The following GCNT2 variants were observed in gnomAD, a reference collection of about 807,000 sequenced individuals.
The protein encoded by GCNT2 is glucosaminyl (N-acetyl) transferase 2 (I blood group).
A neutral mutation model predicts 34.2 loss-of-function variants in GCNT2; 34 were observed. That is an observed-to-expected ratio of 1.00 (90% CI 0.76 to 1.32). The LOEUF is 1.32. Among genes scored for constraint, GCNT2 ranks in the 40% most tolerant of loss-of-function variants. The probability of loss-of-function intolerance (pLI) is 0.00; values close to 1 mark genes in which losing one functional copy is unlikely to be tolerated. For missense variants in GCNT2, 584 were observed against 489.4 expected (o/e 1.19, Z -1.82); for synonymous variants, 212 against 188.0 (o/e 1.13, Z -1.04).
chr6:10,589,150 G>T (rs1176497410), intron 3 of GCNT2, among the ~76,000 whole-genome samples: 1 of 138,040 alleles, frequency 7.2e-6, no homozygotes, highest in Admixed American at 7.2e-5. Flanking sequence ...TGTGGTGTGG[G>T]TGTGTGTGCG....
At chr6:10,521,713 C>G (rs1472242715) in intron 1 of GCNT2, 1 of 151,636 alleles carries the variant, frequency 6.6e-6, no homozygotes, top group Non-Finnish European at 1.5e-5. Context: ...GATGGGCCTA[C>G]TGGGCACGAG....
chr6:10,579,107 T>C (rs1449584912), intron 3 of GCNT2, among the ~76,000 whole-genome samples: 2 of 152,196 alleles, frequency 1.3e-5, no homozygotes, highest in Non-Finnish European at 2.9e-5. Context: ...CATTGGCCAT[T>C]AGTTTTTTCT....
At chr6:10,549,217 T>G (rs963737378) in intron 3 of GCNT2, among the ~76,000 whole-genome samples, 14 of 152,286 alleles carry the variant, frequency 9.2e-5, no homozygotes, top group African/African-American at 2.2e-4. Context: ...CAGCCCAAAA[T>G]GCCAATAGTG....
At chr6:10,538,350 G>A (rs1018451559) in intron 3 of GCNT2, among the ~76,000 whole-genome samples, 1 of 137,978 alleles carries the variant, frequency 7.2e-6, no homozygotes, top group African/African-American at 2.7e-5. Flanking sequence ...AGAGGTTGCA[G>A]TGAGCTGAGA....
intron 3 of GCNT2, among the ~76,000 whole-genome samples, chr6:10,613,237 C>T (rs1765632271): frequency 6.6e-6 from 1 of 152,186 alleles, no homozygotes; most frequent in South Asian, 2.1e-4. Context: ...AGTTATTTGA[C>T]TAAGAAAGGC....
chr6:10,524,131 G>C (rs1040152349), intron 1 of GCNT2, among the ~76,000 whole-genome samples: 1 of 151,778 alleles, frequency 6.6e-6, no homozygotes, highest in Non-Finnish European at 1.5e-5. Flanking sequence ...AACGGGTGTT[G>C]TTTTCTCAAA....
At chr6:10,538,729 A>G (rs1761900931) in intron 3 of GCNT2, among the ~76,000 whole-genome samples, 2 of 152,084 alleles carry the variant, frequency 1.3e-5, no homozygotes, top group African/African-American at 4.8e-5. Flanking sequence ...TTATGTATCC[A>G]TATATATTAC....
intron 3 of GCNT2, among the ~76,000 whole-genome samples, chr6:10,558,152 T>TA (rs1176361212): frequency 6.6e-6 from 1 of 152,230 alleles, no homozygotes; most frequent in Non-Finnish European, 1.5e-5. Flanking sequence ...TTAGGATATT[T>TA]ACCTATTTGC....
intron 3 of GCNT2, among the ~76,000 whole-genome samples, chr6:10,611,334 C>CTTTTTT (rs200808872): frequency 7.3e-6 from 1 of 136,444 alleles, no homozygotes; most frequent in Non-Finnish European, 1.5e-5. Context: ...TTCTTTCTTT[C>CTTTTTT]TTTTTTTTTT....
intron 3 of GCNT2, among the ~76,000 whole-genome samples, chr6:10,607,712 T>C (rs1765384915): frequency 6.6e-6 from 1 of 152,048 alleles, no homozygotes; most frequent in African/African-American, 2.4e-5. Flanking sequence ...GGGGGTCTTA[T>C]TGGTAATCAG....
At chr6:10,565,232 C>T (rs1763224441) in intron 3 of GCNT2, among the ~76,000 whole-genome samples, 3 of 152,206 alleles carry the variant, frequency 2.0e-5, no homozygotes, top group African/African-American at 7.2e-5. Context: ...CACACAGGCC[C>T]TTGCAGGAGG....
intron 1 of GCNT2, among the ~76,000 whole-genome samples, chr6:10,523,390 C>T (rs1001302042): frequency 3.4e-5 from 5 of 145,894 alleles, no homozygotes; most frequent in Admixed American, 1.4e-4. Flanking sequence ...GGCGTCATTA[C>T]ACTGCAGACG....
Position 10,584,467 on chromosome 6 carries a change from CCTT to C in GCNT2, c.926-36877_926-36875del, listed in dbSNP as rs533741544. On this transcript the variant is annotated intron_variant, in intron 3 of 4. Transcript: ENST00000495262. The stretch of plus-strand genomic sequence containing the variant: ...TCCTCTTATCTCAACCGCATTGAGG[CCTT>C]CTTCTTTCACTAATCCTCCTCAGCA... Among the ~76,000 whole-genome samples, 86 of 152,224 alleles carry C rather than the reference CCTT, an allele frequency of 5.6e-4. 2 individuals carry two copies. The South Asian group carries it at 0.012, about 22-fold the overall frequency.
chr6:10,567,168 A>C (rs1388408920), intron 3 of GCNT2, among the ~76,000 whole-genome samples: 2 of 152,126 alleles, frequency 1.3e-5, no homozygotes, highest in Non-Finnish European at 2.9e-5. Flanking sequence ...AAAAATAATA[A>C]AATGAAATTG....
intron 3 of GCNT2, among the ~76,000 whole-genome samples, chr6:10,567,027 G>A (rs1763312400): frequency 6.6e-6 from 1 of 152,152 alleles, no homozygotes; most frequent in Non-Finnish European, 1.5e-5. Context: ...CAACCATCTG[G>A]ACCAAGATTA....
intron 3 of GCNT2, among the ~76,000 whole-genome samples, chr6:10,603,945 G>T (rs1765198273): frequency 1.3e-5 from 2 of 151,272 alleles, no homozygotes; most frequent in African/African-American, 4.9e-5. Context: ...CACCAGGCTG[G>T]AGTGCAGTGG....
intron 3 of GCNT2, among the ~76,000 whole-genome samples, chr6:10,616,238 G>A (rs1343176851): frequency 1.3e-5 from 2 of 152,150 alleles, no homozygotes; most frequent in East Asian, 1.9e-4. Context: ...CAGTGGGTTC[G>A]TGGTTTTGCT....
chr6:10,610,636 T>C (rs1355545584), intron 3 of GCNT2, among the ~76,000 whole-genome samples: 1 of 152,184 alleles, frequency 6.6e-6, no homozygotes, highest in African/African-American at 2.4e-5. Context: ...ATAAATTCTC[T>C]AGATACATTA....
At chr6:10,588,773 AGTGTGTGTGTGATGTGT>A (rs1451291829) in intron 3 of GCNT2, among the ~76,000 whole-genome samples, 2 of 115,626 alleles carry the variant, frequency 1.7e-5, no homozygotes, top group Non-Finnish European at 1.8e-5. Context: ...GTGTGTTTGT[AGTGTGTGTGTGATGTGT>A]GTGTGTGTGT....
Sources: allele counts gnomAD v4.1 joint callset (sites outside exome capture counted in the v4.1 genomes callset), GRCh38; gene constraint gnomAD v4.1.1; transcripts MANE v1.5; gene names NCBI Gene and HGNC (gene_info 2026-07-23, HGNC 2026-07-21).